Variants in STX8 observed in about 807,000 individuals in gnomAD.
STX8 encodes syntaxin 8.
A neutral mutation model predicts 37.5 loss-of-function variants in STX8; 23 were observed. The ratio of observed to expected loss-of-function variants is 0.61; its 90% confidence interval spans 0.44 to 0.87. STX8 has a LOEUF of 0.87. STX8 is among the 40% of genes least tolerant of loss of function. The probability of loss-of-function intolerance (pLI) is 0.00; values close to 1 mark genes in which losing one functional copy is unlikely to be tolerated. For missense variants in STX8, 313 were observed against 284.7 expected (o/e 1.10, Z -0.71); for synonymous variants, 115 against 99.1 (o/e 1.16, Z -0.95).
chr17:9,341,468 T>C (rs1001697705), intron 7 of STX8, among the ~76,000 whole-genome samples: 1 of 152,272 alleles, frequency 6.6e-6, no homozygotes, highest in African/African-American at 2.4e-5. Context: ...GACAGAGTCT[T>C]GCTCTGTTGC....
At chr17:9,463,129 CTGGCCTCA>C (rs1905465257) in intron 6 of STX8, among the ~76,000 whole-genome samples, 1 of 152,328 alleles carries the variant, frequency 6.6e-6, no homozygotes, top group African/African-American at 2.4e-5. Context: ...CTATGCCTAG[CTGGCCTCA>C]TGGTTTACAG....
intron 6 of STX8, among the ~76,000 whole-genome samples, chr17:9,465,422 G>A (rs543244328): frequency 1.3e-5 from 2 of 152,284 alleles, no homozygotes; most frequent in South Asian, 2.1e-4. Flanking sequence ...AACATATGGA[G>A]CAATCTCAGG....
chr17:9,530,418 A>G (rs1194024873), intron 4 of STX8, among the ~76,000 whole-genome samples: 1 of 152,138 alleles, frequency 6.6e-6, no homozygotes, highest in Non-Finnish European at 1.5e-5. Flanking sequence ...ATGGTTTTCC[A>G]AAGAGATTGT....
At position 9,413,059 on chromosome 17, in the gene STX8, G is replaced by A. The variant is rs77887462; in HGVS notation, c.542-34406C>T. The stretch of plus-strand genomic sequence containing the variant: ...CCTAGATGTATAAGAATGACTGACT[G>A]ATGGAGATACAACCCTGACCCTCAA... On this transcript the variant is annotated intron_variant, in intron 6 of 7. Transcript: ENST00000306357. Among the ~76,000 whole-genome samples, 512 of 152,302 alleles carry A rather than the reference G, an allele frequency of 3.4e-3. 4 individuals carry two copies. The highest frequency in any genetic ancestry group is 0.012 in the African/African-American group (495 of 41,556).
chr17:9,294,317 G>A (rs999690322), intron 7 of STX8, among the ~76,000 whole-genome samples: 4 of 152,184 alleles, frequency 2.6e-5, no homozygotes, highest in Non-Finnish European at 5.9e-5. Flanking sequence ...AAGAGAACTC[G>A]TATTTTCTGA....
intron 4 of STX8, among the ~76,000 whole-genome samples, chr17:9,538,449 C>T (rs1010977736): frequency 6.6e-6 from 1 of 152,134 alleles, no homozygotes; most frequent in Admixed American, 6.5e-5. Flanking sequence ...AAACATTCAA[C>T]GGTTTCAAAT....
At chr17:9,329,138 T>C (rs1280603256) in intron 7 of STX8, among the ~76,000 whole-genome samples, 1 of 147,734 alleles carries the variant, frequency 6.8e-6, no homozygotes. Context: ...TAAGGTGCTC[T>C]GGGATTCTGA....
At chr17:9,415,204 C>T (rs1913142792) in intron 6 of STX8, among the ~76,000 whole-genome samples, 1 of 152,154 alleles carries the variant, frequency 6.6e-6, no homozygotes. Context: ...CATCTTCAAA[C>T]CTCTTTTCCT....
chr17:9,327,347 A>AGGAGAAGGAGAGGGAGAG (rs1909809096), intron 7 of STX8, among the ~76,000 whole-genome samples: 2 of 148,634 alleles, frequency 1.3e-5, no homozygotes, highest in Non-Finnish European at 3.0e-5. Flanking sequence ...AAGGAGGAGG[A>AGGAGAAGGAGAGGGAGAG]GGAGAAGGAG....
chr17:9,478,144 T>C (rs1159675612), intron 6 of STX8, among the ~76,000 whole-genome samples: 2 of 152,170 alleles, frequency 1.3e-5, no homozygotes, highest in African/African-American at 2.4e-5. Context: ...ACAGTTTTTT[T>C]TATTTTGTTG....
chr17:9,378,672 T>C lies in STX8; in HGVS notation c.542-19A>G. 1 of 1,574,888 alleles carries C rather than the reference T, an allele frequency of 6.3e-7. No homozygotes were observed. The highest frequency in any genetic ancestry group is 8.7e-7 in the Non-Finnish European group (1 of 1,144,562). On this transcript the variant is annotated intron_variant, in intron 6 of 7. Transcript: ENST00000306357. ...ATTATCTCTAGAAAGGAAACATACA[T>C]GATTACTATTCCTGAAATACCCCGG...
At chr17:9,559,730 TA>T (rs1416810586) in intron 2 of STX8, among the ~76,000 whole-genome samples, 14 of 85,456 alleles carry the variant, frequency 1.6e-4, no homozygotes, top group Admixed American at 1.5e-3. Context: ...AGATTATTAT[TA>T]TTTTATATAT....
chr17:9,428,062 C>G (rs549759743), intron 6 of STX8, among the ~76,000 whole-genome samples: 21 of 152,282 alleles, frequency 1.4e-4, no homozygotes, highest in Middle Eastern at 3.4e-3. Context: ...GGACCAGTGG[C>G]TGCTGACTCC....
chr17:9,456,364 T>A (rs901753944), intron 6 of STX8, among the ~76,000 whole-genome samples: 1 of 152,164 alleles, frequency 6.6e-6, no homozygotes, highest in Non-Finnish European at 1.5e-5. Context: ...AGAAAAGGCA[T>A]GGAAACCAAA....
intron 6 of STX8, among the ~76,000 whole-genome samples, chr17:9,426,616 C>T (rs1304534065): frequency 2.0e-5 from 3 of 152,012 alleles, no homozygotes; most frequent in Non-Finnish European, 4.4e-5. Context: ...AAAAAATTAG[C>T]CAGGCATGGT....
intron 6 of STX8, among the ~76,000 whole-genome samples, chr17:9,456,005 C>T (rs1017067315): frequency 1.3e-5 from 2 of 152,072 alleles, no homozygotes; most frequent in African/African-American, 2.4e-5. Context: ...TTTACTCTCC[C>T]AGCACACCCT....
In STX8 at chr17:9,273,029, CA is replaced by C. The variant is rs557850470; in HGVS notation, c.644-22385del. Among the ~76,000 whole-genome samples the C allele has an allele frequency of 1.5e-4, 23 of 152,330 alleles. No individual in the cohort carries two copies. The East Asian group carries it at 4.4e-3, about 29-fold the overall frequency. ...ATGCGAAGCAATAAATCAAACTTAA[CA>C]ACAACAAAGAAGGAAGGGGGAAAAC... On this transcript the variant is annotated intron_variant, in intron 7 of 7. Coordinates refer to ENST00000306357, the MANE Select transcript of STX8 (RefSeq NM_004853.3).
At chr17:9,258,500 C>T (rs1047043684) in intron 7 of STX8, among the ~76,000 whole-genome samples, 1 of 152,250 alleles carries the variant, frequency 6.6e-6, no homozygotes, top group Admixed American at 6.5e-5. Context: ...GAGTGTGACA[C>T]TAGCAGCCTT....
At chr17:9,266,435 G>A (rs1221244667) in intron 7 of STX8, among the ~76,000 whole-genome samples, 2 of 152,150 alleles carry the variant, frequency 1.3e-5, no homozygotes, top group East Asian at 1.9e-4. Flanking sequence ...AACTGATGAC[G>A]CTTGCCTGTA....
Sources: gnomAD v4.1 joint callset for allele counts (sites outside exome capture counted in the v4.1 genomes callset) on GRCh38, gnomAD v4.1.1 for gene constraint, MANE v1.5 for transcripts, NCBI Gene and HGNC (gene_info 2026-07-23, HGNC 2026-07-21) for gene names.